Variants in ZNF569 observed in about 807,000 individuals in gnomAD.
The protein encoded by ZNF569 is DNA-binding protein.
ZNF569 carries 38 observed loss-of-function variants against 56.3 expected under a neutral mutation model. The observed-to-expected ratio is 0.68, with a 90% CI of 0.52 to 0.88. The LOEUF is 0.88. ZNF569 is among the 40% of genes least tolerant of loss of function. The probability of loss-of-function intolerance (pLI) is 0.00; values close to 1 mark genes in which losing one functional copy is unlikely to be tolerated. For synonymous variants in ZNF569, 241 were observed against 262.9 expected, an observed-to-expected ratio of 0.92 and a Z score of 0.81; for missense variants, 666 against 809.2, an observed-to-expected ratio of 0.82 and a Z score of 2.15.
At chr19:37,431,058 G>C (rs2041217724) in intron 3 of ZNF569, among the ~76,000 whole-genome samples, 1 of 152,170 alleles carries the variant, frequency 6.6e-6, no homozygotes, top group African/African-American at 2.4e-5. Context: ...ATTCTGGCAA[G>C]CCTCACCACC....
rs927320125 is a variant in ZNF569, at chr19:37,413,943, C to T, written c.715G>A (p.Glu239Lys). The T allele has an allele frequency of 1.2e-6, 2 of 1,613,308 alleles. No homozygotes were observed. Among genetic ancestry groups the T allele is most frequent in the Admixed American group, 1.7e-5 (1 of 60,014 alleles). Residue 239 changes from glutamate to lysine, a missense_variant, in exon 6 of 6, where the codon GAG (glutamate) becomes AAG (lysine). Glu to Lys is a moderately conservative substitution (Grantham distance 56, BLOSUM62 1). Transcript: ENST00000316950. ...LIKHYKIHSR[E>K]QSYKCNECGK... is the part of the protein sequence containing the mutation. ...CATTCATTACATTTGTAAGACTGCT[C>T]CCTACTGTGAATTTTATAATGTTTA...
At chr19:37,414,453 A>AT (rs371300126) in intron 5 of ZNF569, 34 bp from the exon 6 acceptor site, 1 of 1,520,940 alleles carries the variant, frequency 6.6e-7, no homozygotes, top group Non-Finnish European at 8.8e-7. Context: ...TCACTTACAA[A>AT]TTTTTTTCCA....
At chr19:37,438,923 G>C (rs1436700593) in intron 3 of ZNF569, among the ~76,000 whole-genome samples, 1 of 152,020 alleles carries the variant, frequency 6.6e-6, no homozygotes, top group Non-Finnish European at 1.5e-5. Context: ...CTAATAACTT[G>C]ATTTAAAAAG....
In ZNF569 at chr19:37,413,584, T is replaced by A. The variant is rs1293855612; in HGVS notation, c.1074A>T (p.Lys358Asn). 2.5e-6 allele frequency: 4 copies of A among 1,613,718 alleles called. No homozygotes were observed. In the South Asian group the frequency reaches 4.4e-5, roughly 18 times the overall value. ...AAAACTGAGAGAAGGCTTTACCACA[T>A]TTATCACATTTATAAGGTTTTTCTC... is the stretch of plus-strand genomic sequence containing the variant. ...HTGEKPYKCDKCGKAFSQFSM... is the reference protein window; with the variant it reads ...HTGEKPYKCDNCGKAFSQFSM... The change falls in exon 6 of 6, where the codon AAA becomes AAT. Residue 358 changes from lysine (K) to asparagine (N), a missense_variant. By Grantham distance (94) the Lys-to-Asn change is moderately conservative (BLOSUM62 0). Coordinates refer to ENST00000316950, the MANE Select transcript of ZNF569 (RefSeq NM_152484.3).
chr19:37,435,735 A>T lies in ZNF569; in HGVS notation c.15+9172T>A, dbSNP rs1158306058. On this transcript the variant is annotated intron_variant, in intron 3 of 5. Transcript: ENST00000316950. Reference sequence around the variant, plus strand: ...CAAAATAGACTTCAAGACAAAAACTATAAAAAGAGACAAACAAGGTCATTA... The same window carrying T: ...CAAAATAGACTTCAAGACAAAAACTTTAAAAAGAGACAAACAAGGTCATTA... Among the ~76,000 whole-genome samples, 7 of 152,042 alleles carry T rather than the reference A, an allele frequency of 4.6e-5. No homozygotes were observed. In the East Asian group the frequency reaches 1.3e-3, roughly 29 times the overall value.
At chr19:37,468,299 G>C (rs1184619464), upstream of ZNF569, among the ~76,000 whole-genome samples, 4 of 152,090 alleles carry the variant, frequency 2.6e-5, no homozygotes, top group Non-Finnish European at 4.4e-5. Flanking sequence ...ATGTTGCCCA[G>C]GCTGCTCTCG....
chr19:37,469,218 C>A (rs761421796), upstream of ZNF569: 12 of 1,315,934 alleles, frequency 9.1e-6, no homozygotes, highest in South Asian at 1.8e-5. Flanking sequence ...GTTACAAACC[C>A]TGCGCGGAGC....
chr19:37,437,187 G>C (rs9676967), intron 3 of ZNF569, among the ~76,000 whole-genome samples: 41,280 of 151,840 alleles, frequency 0.27, 7,018 homozygotes, highest in African/African-American at 0.47. Flanking sequence ...ATGCGCAAAT[G>C]AATCAATGTG....
At chr19:37,428,823 C>T (rs553905094) in intron 3 of ZNF569, among the ~76,000 whole-genome samples, 167 of 151,954 alleles carry the variant, frequency 1.1e-3, no homozygotes, top group African/African-American at 3.5e-3. Flanking sequence ...TACAGGCGTG[C>T]GCCACCACAC....
chr19:37,424,197 T>G (rs539849356), intron 5 of ZNF569, among the ~76,000 whole-genome samples: 21 of 152,156 alleles, frequency 1.4e-4, no homozygotes, highest in Non-Finnish European at 7.4e-5. Flanking sequence ...GTACGACATT[T>G]CAGACATTTA....
intron 2 of ZNF569, among the ~76,000 whole-genome samples, chr19:37,452,479 G>A (rs2041610724): frequency 6.6e-6 from 1 of 151,890 alleles, no homozygotes; most frequent in Non-Finnish European, 1.5e-5. Flanking sequence ...TTTTTATAAG[G>A]CAGGTCTAGT....
At chr19:37,448,640 C>A (rs990938342) in intron 2 of ZNF569, among the ~76,000 whole-genome samples, 1 of 149,734 alleles carries the variant, frequency 6.7e-6, no homozygotes, top group South Asian at 2.1e-4. Flanking sequence ...CTCAGCTCAC[C>A]GCAAGCTCCG....
intron 2 of ZNF569, among the ~76,000 whole-genome samples, chr19:37,450,694 T>C (rs2041577551): frequency 6.6e-6 from 1 of 152,186 alleles, no homozygotes; most frequent in South Asian, 2.1e-4. Flanking sequence ...CTTCTGATTC[T>C]AGTTCCTTGA....
chr19:37,429,469 G>A (rs1260039895), intron 3 of ZNF569, among the ~76,000 whole-genome samples: 1 of 152,238 alleles, frequency 6.6e-6, no homozygotes, highest in Non-Finnish European at 1.5e-5. Flanking sequence ...TTTAAGCAAA[G>A]GTTATCTGGG....
chr19:37,425,811 G>A, intron 5 of ZNF569, 57 bp downstream of exon 5: 1 of 1,344,238 alleles, frequency 7.4e-7, no homozygotes, highest in South Asian at 1.2e-5. Context: ...ACCATTCACT[G>A]ATTAATCATT....
chr19:37,439,402 T>C (rs1482330400), intron 3 of ZNF569, among the ~76,000 whole-genome samples: 1 of 152,154 alleles, frequency 6.6e-6, no homozygotes, highest in Non-Finnish European at 1.5e-5. Flanking sequence ...AGACAGGTAC[T>C]AACAAATACT....
intron 2 of ZNF569, among the ~76,000 whole-genome samples, chr19:37,453,709 A>G (rs549982195): frequency 4.6e-5 from 7 of 151,972 alleles, no homozygotes; most frequent in Non-Finnish European, 1.0e-4. Flanking sequence ...TTTATCTCTG[A>G]GCTTCTTGGA....
At chr19:37,462,692 C>T (rs2041774070) in intron 2 of ZNF569, among the ~76,000 whole-genome samples, 1 of 152,206 alleles carries the variant, frequency 6.6e-6, no homozygotes, top group Non-Finnish European at 1.5e-5. Context: ...CCATCAGTCT[C>T]TTTTGCTAAT....
At position 37,412,064 on chromosome 19, in the gene ZNF569, A is replaced by C. The variant is rs571261268; in HGVS notation, c.*533T>G. The C allele has an allele frequency of 6.6e-6, 1 of 152,186 alleles. No homozygotes were observed. The highest frequency in any genetic ancestry group is 1.5e-5 in the Non-Finnish European group (1 of 68,028). 9.4% of individuals were successfully genotyped at this position (152,186 alleles called of 1,614,324 possible). A position where few individuals can be genotyped will look rare whatever the true frequency, so the allele number is the denominator to read the frequency against. ...CTGATGTAAACTTCAGAAGTATATT[A>C]AACTTAGTGATTTGGGAGAGAAATT... is the stretch of plus-strand genomic sequence containing the variant. On this transcript the variant is annotated 3_prime_UTR_variant, in exon 6 of 6. Coordinates refer to ENST00000316950, the MANE Select transcript of ZNF569 (RefSeq NM_152484.3).
Sources: allele counts gnomAD v4.1 joint callset (sites outside exome capture counted in the v4.1 genomes callset), GRCh38; gene constraint gnomAD v4.1.1; transcripts MANE v1.5; gene names NCBI Gene and HGNC (gene_info 2026-07-23, HGNC 2026-07-21).